The following GLS variants were observed in gnomAD, a reference collection of about 807,000 sequenced individuals.
GLS encodes the protein glutaminase kidney isoform, mitochondrial.
Under a neutral mutation model 86.7 loss-of-function variants are expected in GLS, and 36 were observed. That is an observed-to-expected ratio of 0.42 (90% CI 0.32 to 0.55). GLS has a LOEUF of 0.55. GLS is among the 20% of genes least tolerant of loss of function. The probability of loss-of-function intolerance (pLI) is 0.17; values close to 1 mark genes in which losing one functional copy is unlikely to be tolerated. For synonymous variants in GLS, 317 were observed against 305.9 expected (o/e 1.04, Z -0.38); for missense variants, 528 against 833.4 (o/e 0.63, Z 4.51).
chr2:190,909,450 C>T (rs1295377160), intron 6 of GLS, among the ~76,000 whole-genome samples: 1 of 152,018 alleles, frequency 6.6e-6, no homozygotes, highest in Non-Finnish European at 1.5e-5. Context: ...GTCCTTTGAC[C>T]AACATCTGGC....
Position 190,920,948 on chromosome 2 carries a change from A to G in GLS, c.1039-76A>G, listed in dbSNP as rs537443277. 1.0e-5 allele frequency: 8 copies of G among 762,948 alleles called. No individual in the cohort carries two copies. The African/African-American group carries it at 1.4e-4, about 13-fold the overall frequency. 47.3% of individuals were successfully genotyped at this position (762,948 alleles called of 1,614,324 possible). ...GCAGTATATTATAATAGTAGCTTTG[A>G]AATTTTGATATTGGCTTGAAACTTA... On this transcript the variant is annotated intron_variant, in intron 7 of 17. Coordinates refer to ENST00000320717, the MANE Select transcript of GLS (RefSeq NM_014905.5). This position sits in a 1 kb window ranked among gnomAD's most constrained non-coding sequence, Gnocchi z 4.2.
intron 1 of GLS, among the ~76,000 whole-genome samples, chr2:190,887,241 G>C (rs1402630027): frequency 6.6e-6 from 1 of 152,122 alleles, no homozygotes; most frequent in Admixed American, 6.5e-5. Context: ...TGTTAGTACA[G>C]TTTTACCCTG....
Position 190,964,335 on chromosome 2 carries a change from C to G in GLS, c.*1349C>G, listed in dbSNP as rs568686119. ...GAGGAGTTCTGATATTAAGCACACA[C>G]ACACATGCACACAAATGGACTTCTC... On this transcript the variant is annotated 3_prime_UTR_variant, in exon 18 of 18. Coordinates refer to ENST00000320717, the MANE Select transcript of GLS (RefSeq NM_014905.5). The surrounding 1 kb of genome is among the most constrained non-coding windows in gnomAD (Gnocchi z 5.2). 5.3e-5 allele frequency: 8 copies of G among 152,194 alleles called. No individual in the cohort carries two copies. The highest frequency in any genetic ancestry group is 1.2e-4 in the Non-Finnish European group (8 of 68,032). The allele number at this position is 152,194 out of a possible 1,614,324, so 9.4% of individuals were successfully genotyped here.
intron 3 of GLS, among the ~76,000 whole-genome samples, chr2:190,896,980 G>A (rs1688765215): frequency 6.6e-6 from 1 of 152,082 alleles, no homozygotes; most frequent in Non-Finnish European, 1.5e-5. Context: ...TAGATCTGTT[G>A]ATAATCAGTA....
Position 190,921,748 on chromosome 2 carries a change from CTAAGAA to C in GLS, c.1130+550_1130+555del, listed in dbSNP as rs1689745330. Among the ~76,000 whole-genome samples the C allele has an allele frequency of 6.6e-6, 1 of 151,896 alleles. No individual in the cohort carries two copies. The highest frequency in any genetic ancestry group is 2.4e-5 in the African/African-American group (1 of 41,396). On this transcript the variant is annotated intron_variant, in intron 9 of 17. Coordinates refer to ENST00000320717, the MANE Select transcript of GLS (RefSeq NM_014905.5). The surrounding 1 kb of genome is among the most constrained non-coding windows in gnomAD (Gnocchi z 4.2). ...CCTTAGATAAGAAAGCACATACAGT[CTAAGAA>C]TAAGGACATTCTCCTACATAACCAC...
chr2:190,910,580 A>C (rs1689322948), intron 7 of GLS, among the ~76,000 whole-genome samples: 1 of 150,972 alleles, frequency 6.6e-6, no homozygotes, highest in Non-Finnish European at 1.5e-5. Flanking sequence ...GAAAATATTT[A>C]AAGTCTGCTG....
chr2:190,929,857 T>A (rs904467007), intron 12 of GLS, among the ~76,000 whole-genome samples: 15 of 151,584 alleles, frequency 9.9e-5, no homozygotes, highest in African/African-American at 3.6e-4. Context: ...TATATATATT[T>A]TTTTTTTCGA....
intron 1 of GLS, among the ~76,000 whole-genome samples, chr2:190,891,404 G>A (rs902459989): frequency 1.3e-5 from 2 of 151,650 alleles, no homozygotes; most frequent in African/African-American, 4.8e-5. Context: ...TGAAACAATT[G>A]AAATGATCAT....
rs1314244471 is a variant in GLS at position 190,963,218 on chromosome 2, T to C, written c.*232T>C. On this transcript the variant is annotated 3_prime_UTR_variant, in exon 18 of 18. Coordinates refer to ENST00000320717, the MANE Select transcript of GLS (RefSeq NM_014905.5). ...CAATATTACCTCGTGCATTGTATAA[T>C]TTGATGTAAAAGAAATAGTTACCAA... is the stretch of plus-strand genomic sequence containing the variant. 2.8e-6 allele frequency: 1 copy of C among 359,094 alleles called. No homozygotes were observed. The allele number at this position is 359,094 out of a possible 1,614,324, so 22.2% of individuals were successfully genotyped here.
rs1211481474 is a variant in GLS, at chr2:190,897,904, CT to C, written c.605+2186del. Among the ~76,000 whole-genome samples the C allele has an allele frequency of 1.3e-5, 2 of 152,088 alleles. No homozygotes were observed. The highest frequency in any genetic ancestry group is 2.9e-5 in the Non-Finnish European group (2 of 68,004). On this transcript the variant is annotated intron_variant, in intron 3 of 17. Transcript: ENST00000320717. The surrounding 1 kb of genome is among the most constrained non-coding windows in gnomAD (Gnocchi z 4.3). ...AATCTGAGAAAACTATTATGTGTGA[CT>C]TTTTTTAACTTGGGAAAATACGTTC...
At chr2:190,912,956 C>T (rs1460092604) in intron 7 of GLS, among the ~76,000 whole-genome samples, 1 of 152,066 alleles carries the variant, frequency 6.6e-6, no homozygotes, top group African/African-American at 2.4e-5. Context: ...CATCTGAGTA[C>T]CCAAAGCCAC....
At chr2:190,941,749 T>C (rs1052192330) in intron 14 of GLS, among the ~76,000 whole-genome samples, 1 of 151,984 alleles carries the variant, frequency 6.6e-6, no homozygotes, top group African/African-American at 2.4e-5. Context: ...GCAAATGCGC[T>C]GAAGAAGAGT....
intron 7 of GLS, among the ~76,000 whole-genome samples, chr2:190,916,413 G>T (rs1335146949): frequency 1.3e-5 from 2 of 151,848 alleles, no homozygotes; most frequent in African/African-American, 4.8e-5. Flanking sequence ...TTGCATTGGG[G>T]GTGGTTTACT....
intron 7 of GLS, among the ~76,000 whole-genome samples, chr2:190,918,782 T>G (rs891063401): frequency 2.0e-5 from 3 of 152,162 alleles, no homozygotes; most frequent in African/African-American, 7.2e-5. Context: ...CACTTGAACA[T>G]TTAGAGGCCA....
Position 190,881,158 on chromosome 2 carries a change from T to C in GLS, c.74T>C (p.Leu25Pro). The change falls in exon 1 of 18, where the codon CTG (leucine) becomes CCG (proline). Residue 25 changes from leucine (L) to proline (P), a missense_variant. Coordinates refer to ENST00000320717, the MANE Select transcript of GLS (RefSeq NM_014905.5). ...LRSPAGVSAT[L>P]RRAQPLVTLC... ...TCGCCCGCCGGCGTGAGCGCGACTCTGCGGCGGGCACAGCCCTTGGTCACC... is the reference window on the plus strand; with the variant it reads ...TCGCCCGCCGGCGTGAGCGCGACTCCGCGGCGGGCACAGCCCTTGGTCACC... 1 of 1,546,256 alleles carries C rather than the reference T, an allele frequency of 6.5e-7. No individual in the cohort carries two copies. The highest frequency in any genetic ancestry group is 8.7e-7 in the Non-Finnish European group (1 of 1,154,126).
intron 1 of GLS, among the ~76,000 whole-genome samples, chr2:190,891,758 A>C (rs1688571274): frequency 6.6e-6 from 1 of 152,158 alleles, no homozygotes; most frequent in South Asian, 2.1e-4. Flanking sequence ...ATATATATTC[A>C]GAATATATAT....
In GLS at chr2:190,897,882, CTG is replaced by C. The variant is rs1461117410; in HGVS notation, c.605+2158_605+2159del. Among the ~76,000 whole-genome samples the C allele has an allele frequency of 1.3e-5, 2 of 152,116 alleles. No homozygotes were observed. Among genetic ancestry groups the C allele is most frequent in the Non-Finnish European group, 1.5e-5 (1 of 68,008 alleles). ...AATATTTTTAGACTTTTTCGGTAAT[CTG>C]AGAAAACTATTATGTGTGACTTTTT... On this transcript the variant is annotated intron_variant, in intron 3 of 17. Coordinates refer to ENST00000320717, the MANE Select transcript of GLS (RefSeq NM_014905.5). The surrounding 1 kb of genome is among the most constrained non-coding windows in gnomAD (Gnocchi z 4.3).
At chr2:190,901,387 T>G (rs1295224902) in intron 4 of GLS, among the ~76,000 whole-genome samples, 1 of 152,040 alleles carries the variant, frequency 6.6e-6, no homozygotes, top group Non-Finnish European at 1.5e-5. Flanking sequence ...AAAGTTTTCA[T>G]TGTCATCATC....
At chr2:190,888,733 T>A (rs1038704563) in intron 1 of GLS, among the ~76,000 whole-genome samples, 2 of 152,246 alleles carry the variant, frequency 1.3e-5, no homozygotes, top group Non-Finnish European at 2.9e-5. Flanking sequence ...ATGCCTTGAT[T>A]GGTTCTGCTT....
Sources: gnomAD v4.1 joint callset for allele counts (sites outside exome capture counted in the v4.1 genomes callset) on GRCh38, gnomAD v4.1.1 for gene constraint, Gnocchi (gnomAD v3.1) non-coding constraint, MANE v1.5 for transcripts, NCBI Gene and HGNC (gene_info 2026-07-23, HGNC 2026-07-21) for gene names.